NOX4: variants seen among roughly 807,000 people sequenced by gnomAD.
The protein encoded by NOX4 is NADPH oxidase 4, also known as kidney oxidase-1.
A neutral mutation model predicts 87.6 loss-of-function variants in NOX4; 69 were observed. The ratio of observed to expected loss-of-function variants is 0.79; its 90% CI spans 0.65 to 0.96. NOX4 has a LOEUF of 0.96. Among genes scored for constraint, NOX4 ranks in the 40% least tolerant of loss-of-function variants. The probability of loss-of-function intolerance (pLI) is 0.00; values close to 1 mark genes in which losing one functional copy is unlikely to be tolerated. For synonymous variants in NOX4, 275 were observed against 238.2 expected, an observed-to-expected ratio of 1.15 and a Z score of -1.42; for missense variants, 680 against 681.5, an observed-to-expected ratio of 1.00 and a Z score of 0.02.
chr11:89,466,750 T>G (rs940395909), intron 2 of NOX4, among the ~76,000 whole-genome samples: 8 of 151,974 alleles, frequency 5.3e-5, no homozygotes, highest in African/African-American at 1.7e-4. Context: ...AGAAACAGAG[T>G]ATGAATACAT....
chr11:89,465,663 A>G (rs1945655446), intron 2 of NOX4, among the ~76,000 whole-genome samples: 2 of 152,086 alleles, frequency 1.3e-5, no homozygotes, highest in Admixed American at 1.3e-4. Flanking sequence ...CTTTTTAATG[A>G]TTGACATTCT....
At chr11:89,445,561 C>T (rs1944664929) in intron 4 of NOX4, among the ~76,000 whole-genome samples, 2 of 151,996 alleles carry the variant, frequency 1.3e-5, no homozygotes, top group Admixed American at 1.3e-4. Flanking sequence ...CAGAAATACG[C>T]CCACATTAAT....
At chr11:89,566,017 A>G in the NOX4 span, among the ~76,000 whole-genome samples, 1 of 151,018 alleles carries the variant, frequency 6.6e-6, no homozygotes, top group Admixed American at 6.6e-5. Context: ...TATAAATGAA[A>G]TTAACTTATT....
chr11:89,563,232 T>C, the NOX4 span, among the ~76,000 whole-genome samples: 34 of 152,362 alleles, frequency 2.2e-4, no homozygotes, highest in African/African-American at 7.5e-4. Context: ...CAACACTTCA[T>C]TGTCAATTTG....
chr11:89,505,269 G>A, the NOX4 span, among the ~76,000 whole-genome samples: 1 of 151,802 alleles, frequency 6.6e-6, no homozygotes, highest in African/African-American at 2.4e-5. Flanking sequence ...AAGAGAATTT[G>A]GTCTGCAGTG....
At chr11:89,466,595 C>T (rs544097761) in intron 2 of NOX4, among the ~76,000 whole-genome samples, 149 of 152,080 alleles carry the variant, frequency 9.8e-4, no homozygotes, top group Non-Finnish European at 1.4e-3. Context: ...TTATTGTAAT[C>T]GGCACATATT....
chr11:89,443,028 T>A (rs1316085649), intron 5 of NOX4, among the ~76,000 whole-genome samples: 1 of 152,130 alleles, frequency 6.6e-6, no homozygotes, highest in Non-Finnish European at 1.5e-5. Context: ...GCGCTGTCAC[T>A]GGCCTGCTAA....
intron 2 of NOX4, among the ~76,000 whole-genome samples, chr11:89,467,175 C>T (rs1945731698): frequency 6.6e-6 from 1 of 151,438 alleles, no homozygotes; most frequent in African/African-American, 2.4e-5. Flanking sequence ...AGTGAAACCC[C>T]ATCTCTACTA....
chr11:89,551,863 T>C, the NOX4 span, among the ~76,000 whole-genome samples: 1 of 152,168 alleles, frequency 6.6e-6, no homozygotes, highest in Non-Finnish European at 1.5e-5. Flanking sequence ...CATCCTTGTC[T>C]TGTGATGATT....
the NOX4 span, among the ~76,000 whole-genome samples, chr11:89,576,552 A>G: frequency 6.6e-6 from 1 of 152,188 alleles, no homozygotes; most frequent in African/African-American, 2.4e-5. Context: ...TATATCCCTT[A>G]TGATAACTGT....
rs1341118636 is a variant in NOX4 at position 89,421,918 on chromosome 11, T to C, written c.613A>G (p.Thr205Ala). 1.9e-6 allele frequency: 3 copies of C among 1,570,042 alleles called. No individual in the cohort carries two copies. The highest frequency in any genetic ancestry group is 3.9e-5 in the Admixed American group (2 of 51,162). Residue 205 changes from threonine to alanine, a missense_variant, in exon 8 of 18, where the codon ACG (threonine) becomes GCG (alanine). Coordinates refer to ENST00000263317, the MANE Select transcript of NOX4 (RefSeq NM_016931.5). Reference sequence around the variant, plus strand: ...TAAACTTACCCTGAAACATGCAACGTCAGCAGCATGTAGAAGACAAAGAAG... The same window carrying C: ...TAAACTTACCCTGAAACATGCAACGCCAGCAGCATGTAGAAGACAAAGAAG... ...NLFFVFYMLL[T>A]LHVSGGLLKY...
rs556597747 is a variant in NOX4 at position 89,425,625 on chromosome 11, A to T, written c.549-3643T>A. ...ATATGGTCCTATTTTGGTAAAATAC[A>T]TATGTATATAAGAGAGAAAAAATGA... On this transcript the variant is annotated intron_variant, in intron 7 of 17. Coordinates refer to ENST00000263317, the MANE Select transcript of NOX4 (RefSeq NM_016931.5). Among the ~76,000 whole-genome samples, 24 of 152,182 alleles carry T rather than the reference A, an allele frequency of 1.6e-4. 1 individual carries two copies. Among genetic ancestry groups the T allele is most frequent in the African/African-American group, 5.3e-4 (22 of 41,546 alleles).
Position 89,425,004 on chromosome 11 carries a change from A to C in NOX4, c.549-3022T>G, listed in dbSNP as rs539236031. 5.9e-5 allele frequency among the ~76,000 whole-genome samples: 9 copies of C among 152,296 alleles called. 1 individual carries two copies. In the South Asian group the frequency reaches 1.9e-3, roughly 32 times the overall value. On this transcript the variant is annotated intron_variant, in intron 7 of 17. Coordinates refer to ENST00000263317, the MANE Select transcript of NOX4 (RefSeq NM_016931.5). ...TTAAACAAAGCATAAAAAACACTGA[A>C]GATTAGGAAGGGCTTAAATTGTTTA...
At chr11:89,513,846 T>C in the NOX4 span, among the ~76,000 whole-genome samples, 15 of 152,194 alleles carry the variant, frequency 9.9e-5, no homozygotes, top group African/African-American at 3.1e-4. Flanking sequence ...TGTCTCTTTC[T>C]ACTACTCAAT....
At chr11:89,525,900 G>T in the NOX4 span, among the ~76,000 whole-genome samples, 1 of 151,848 alleles carries the variant, frequency 6.6e-6, no homozygotes, top group African/African-American at 2.4e-5. Flanking sequence ...ATTGTATGAG[G>T]TCAAGATTGA....
chr11:89,426,454 A>G (rs1460075889), intron 7 of NOX4, among the ~76,000 whole-genome samples: 2 of 152,012 alleles, frequency 1.3e-5, no homozygotes, highest in African/African-American at 2.4e-5. Context: ...GCAAGGGGTC[A>G]AGGAATTCCC....
At chr11:89,576,854 C>T in the NOX4 span, 1 of 152,062 alleles carries the variant, frequency 6.6e-6, no homozygotes, top group East Asian at 1.9e-4. Context: ...AGTAGCAACT[C>T]TGCAATCACA....
chr11:89,550,256 G>C, the NOX4 span, among the ~76,000 whole-genome samples: 3 of 151,688 alleles, frequency 2.0e-5, no homozygotes, highest in Admixed American at 1.3e-4. Flanking sequence ...CATGATCTTG[G>C]CTCACTGCAA....
At chr11:89,502,338 T>C (rs924967957), upstream of NOX4, among the ~76,000 whole-genome samples, 1 of 152,060 alleles carries the variant, frequency 6.6e-6, no homozygotes, top group Non-Finnish European at 1.5e-5. Context: ...TGAGACTACA[T>C]TAGTAGGAGT....
Sources: gnomAD v4.1 joint callset for allele counts (sites outside exome capture counted in the v4.1 genomes callset) on GRCh38, gnomAD v4.1.1 for gene constraint, MANE v1.5 for transcripts, NCBI Gene and HGNC (gene_info 2026-07-23, HGNC 2026-07-21) for gene names.